Variants in TPCN1 observed in about 807,000 individuals in gnomAD.
TPCN1 encodes two pore segment channel 1.
TPCN1 carries 52 observed loss-of-function variants against 108.8 expected under a neutral mutation model. The ratio of observed to expected loss-of-function variants is 0.48; its 90% CI spans 0.38 to 0.60. The LOEUF (loss-of-function observed/expected upper bound fraction) is 0.60, where lower values mean the gene tolerates loss of function less well. Among genes scored for constraint, TPCN1 ranks in the 20% least tolerant of loss-of-function variants. The pLI is 0.00. For synonymous variants in TPCN1, 446 were observed against 433.7 expected (o/e 1.03, Z -0.35); for missense variants, 806 against 1,072.8 (o/e 0.75, Z 3.47).
chr12:113,271,360 G>A (rs1955492782), intron 7 of TPCN1, among the ~76,000 whole-genome samples: 1 of 152,118 alleles, frequency 6.6e-6, no homozygotes, highest in South Asian at 2.1e-4. Flanking sequence ...TAAAATGGAA[G>A]GCATGTTTGT....
At chr12:113,228,046 G>C (rs528283952) in intron 2 of TPCN1, among the ~76,000 whole-genome samples, 1 of 152,202 alleles carries the variant, frequency 6.6e-6, no homozygotes, top group South Asian at 2.1e-4. Context: ...ACTCAGGGAT[G>C]AGAAAGCAGT....
intron 15 of TPCN1, among the ~76,000 whole-genome samples, chr12:113,282,850 C>T (rs898842613): frequency 6.6e-6 from 1 of 152,084 alleles, no homozygotes; most frequent in Non-Finnish European, 1.5e-5. Context: ...CTTTGGGAGG[C>T]CGAGGCGGGC....
chr12:113,273,724 C>G lies in TPCN1; in HGVS notation c.942+56C>G, dbSNP rs1177894972. Reference sequence around the variant, plus strand: ...GCAGCCTGCCCCTACCCATGCAGCACTAGGCACTGTGGGAGTGGAGAAGTG... The same window carrying G: ...GCAGCCTGCCCCTACCCATGCAGCAGTAGGCACTGTGGGAGTGGAGAAGTG... On this transcript the variant is annotated intron_variant, in intron 10 of 27. Transcript: ENST00000335509. This position sits in a 1 kb window ranked among gnomAD's most constrained non-coding sequence, Gnocchi z 4.0. 1 of 1,373,678 alleles carries G rather than the reference C, an allele frequency of 7.3e-7. No individual in the cohort carries two copies. Among genetic ancestry groups the G allele is most frequent in the East Asian group, 2.3e-5 (1 of 43,728 alleles). The allele number at this position is 1,373,678 out of a possible 1,614,324, so 85.1% of individuals were successfully genotyped here.
chr12:113,295,874 G>T, intron 27 of TPCN1, 86 bp from the exon 28 acceptor site: 2 of 1,370,942 alleles, frequency 1.5e-6, no homozygotes, highest in South Asian at 1.4e-5. Flanking sequence ...TTCCAGCCTG[G>T]ATGCTGTGGG....
At chr12:113,287,121 A>G in intron 19 of TPCN1, 27 bp downstream of exon 19, 1 of 1,572,618 alleles carries the variant, frequency 6.4e-7, no homozygotes, top group Non-Finnish European at 8.7e-7. Flanking sequence ...AGCCGGAGAC[A>G]GGGAGAAAGA....
chr12:113,289,105 C>A lies in TPCN1; in HGVS notation c.1796+258C>A, dbSNP rs547324114. On this transcript the variant is annotated intron_variant, in intron 21 of 27. Transcript: ENST00000335509. The surrounding 1 kb of genome is among the most constrained non-coding windows in gnomAD (Gnocchi z 4.1). ...TCTGCCGAGGGCTGGAGGCCACCCC[C>A]ACAGTAGCCTGGGTCCCAAGGTCAA... Among the ~76,000 whole-genome samples, 1 of 152,256 alleles carries A rather than the reference C, an allele frequency of 6.6e-6. No individual in the cohort carries two copies. Among genetic ancestry groups the A allele is most frequent in the South Asian group, 2.1e-4 (1 of 4,834 alleles).
Position 113,284,821 on chromosome 12 carries a change from G to A in TPCN1, c.1453+50G>A, listed in dbSNP as rs758638968. On this transcript the variant is annotated intron_variant, in intron 17 of 27. Coordinates refer to ENST00000335509, the MANE Select transcript of TPCN1 (RefSeq NM_017901.6). The surrounding 1 kb of genome is among the most constrained non-coding windows in gnomAD (Gnocchi z 4.1). Reference sequence around the variant, plus strand: ...GGACTGCTTGTTTTAAAATTGTCTGGGAGAACTTTCATTCAGTGTAGAACC... The same window carrying A: ...GGACTGCTTGTTTTAAAATTGTCTGAGAGAACTTTCATTCAGTGTAGAACC... The A allele has an allele frequency of 1.3e-5, 21 of 1,596,440 alleles. No individual in the cohort carries two copies. Among genetic ancestry groups the A allele is most frequent in the Non-Finnish European group, 1.7e-5 (20 of 1,164,142 alleles).
At chr12:113,225,961 C>A (rs1283966417) in intron 1 of TPCN1, among the ~76,000 whole-genome samples, 1 of 152,068 alleles carries the variant, frequency 6.6e-6, no homozygotes, top group Admixed American at 6.6e-5. Flanking sequence ...CTCAAGTGAG[C>A]CTTCTGAGTA....
At chr12:113,270,057 G>A (rs1318442344) in intron 7 of TPCN1, among the ~76,000 whole-genome samples, 2 of 152,084 alleles carry the variant, frequency 1.3e-5, no homozygotes, top group Non-Finnish European at 1.5e-5. Context: ...TTAGCTGGGC[G>A]TGGTGGTGCA....
intron 2 of TPCN1, among the ~76,000 whole-genome samples, chr12:113,240,380 G>A (rs1954063389): frequency 6.6e-6 from 1 of 152,174 alleles, no homozygotes; most frequent in South Asian, 2.1e-4. Flanking sequence ...TTTTCTGAGT[G>A]TCGCGCAGTC....
intron 2 of TPCN1, among the ~76,000 whole-genome samples, chr12:113,234,684 A>G (rs1953818373): frequency 6.6e-6 from 1 of 152,178 alleles, no homozygotes; most frequent in Admixed American, 6.6e-5. Flanking sequence ...AGATTGTAGC[A>G]AAAAATTTGA....
At chr12:113,240,468 T>C (rs765427391) in intron 2 of TPCN1, among the ~76,000 whole-genome samples, 1 of 152,228 alleles carries the variant, frequency 6.6e-6, no homozygotes, top group Non-Finnish European at 1.5e-5. Flanking sequence ...AGCTTGTTTT[T>C]TCCTAAGTTG....
At chr12:113,237,450 G>A (rs749732903) in intron 2 of TPCN1, among the ~76,000 whole-genome samples, 4 of 151,954 alleles carry the variant, frequency 2.6e-5, no homozygotes, top group Non-Finnish European at 4.4e-5. Context: ...TCCGCCTTCC[G>A]GGTTCAAGCA....
rs780082088 is a variant in TPCN1, at chr12:113,288,737, C to A, written c.1707-21C>A. ...TTCCCTCCTGCCGGCCCCGCGTCAC[C>A]CTGCCCCTGTCGCCCCACAGCCTGG... On this transcript the variant is annotated intron_variant, in intron 20 of 27. Transcript: ENST00000335509. The surrounding 1 kb of genome is among the most constrained non-coding windows in gnomAD (Gnocchi z 4.8). The A allele has an allele frequency of 6.2e-7, 1 of 1,610,768 alleles. No homozygotes were observed. The highest frequency in any genetic ancestry group is 1.1e-5 in the South Asian group (1 of 91,072).
In TPCN1 at chr12:113,293,321, G is replaced by A; in HGVS notation, c.2306G>A (p.Ser769Asn). The change falls in exon 27 of 28, where the codon AGC becomes AAC. Residue 769 changes from serine (S) to asparagine (N), a missense_variant. Physicochemically the swap from Ser to Asn is conservative, Grantham distance 46. Coordinates refer to ENST00000335509, the MANE Select transcript of TPCN1 (RefSeq NM_017901.6). ...CGATCAAGGACCAAGAGCGACCTGAGCCTGAAGATGTACCAGGAGGAGATC... is the reference window on the plus strand; with the variant it reads ...CGATCAAGGACCAAGAGCGACCTGAACCTGAAGATGTACCAGGAGGAGATC... ...GRRSRTKSDL[S>N]LKMYQEEIQE... is the part of the protein sequence containing the mutation. 6.2e-7 allele frequency: 1 copy of A among 1,614,110 alleles called. No individual in the cohort carries two copies. The highest frequency in any genetic ancestry group is 8.5e-7 in the Non-Finnish European group (1 of 1,180,036).
chr12:113,274,042 C>T (rs1397958873), intron 10 of TPCN1, among the ~76,000 whole-genome samples: 3 of 152,152 alleles, frequency 2.0e-5, no homozygotes, highest in Admixed American at 6.5e-5. Context: ...TGTTCAAGTC[C>T]CTTATATAAA....
intron 2 of TPCN1, among the ~76,000 whole-genome samples, chr12:113,253,134 G>C (rs1954711065): frequency 6.6e-6 from 1 of 152,186 alleles, no homozygotes; most frequent in Non-Finnish European, 1.5e-5. Context: ...AGGTTACTTA[G>C]CTTCTCTGCA....
intron 1 of TPCN1, among the ~76,000 whole-genome samples, chr12:113,222,698 C>T (rs1953295248): frequency 6.6e-6 from 1 of 152,202 alleles, no homozygotes; most frequent in Admixed American, 6.5e-5. Context: ...GAAAATTATG[C>T]ATGAACAACC....
In TPCN1 at chr12:113,272,648, C is replaced by A; in HGVS notation, c.749-10C>A. 5.0e-6 allele frequency: 8 copies of A among 1,613,510 alleles called. No individual in the cohort carries two copies. Among genetic ancestry groups the A allele is most frequent in the Non-Finnish European group, 6.8e-6 (8 of 1,179,392 alleles). ...AATCCTTTTGTTTATCTGTTTCCAC[C>A]CACTTCTAGGTTTCTACTTGTTCTC... is the stretch of plus-strand genomic sequence containing the variant. On this transcript the variant is annotated splice_polypyrimidine_tract_variant and intron_variant, in intron 7 of 27. Coordinates refer to ENST00000335509, the MANE Select transcript of TPCN1 (RefSeq NM_017901.6). This position sits in a 1 kb window ranked among gnomAD's most constrained non-coding sequence, Gnocchi z 4.1.
Sources: allele counts gnomAD v4.1 joint callset (sites outside exome capture counted in the v4.1 genomes callset), GRCh38; gene constraint gnomAD v4.1.1; non-coding constraint Gnocchi (gnomAD v3.1); transcripts MANE v1.5; gene names NCBI Gene and HGNC (gene_info 2026-07-23, HGNC 2026-07-21).